The following USH2A variants were observed in gnomAD, a reference collection of about 807,000 sequenced individuals.
USH2A encodes Usher syndrome 2A (autosomal recessive, mild).
A neutral mutation model predicts 538.9 loss-of-function variants in USH2A; 443 were observed. That is an observed-to-expected ratio of 0.82 (90% CI 0.76 to 0.89). The LOEUF (loss-of-function observed/expected upper bound fraction) is 0.89, where lower values mean the gene tolerates loss of function less well. USH2A is among the 40% of genes least tolerant of loss of function. The pLI is 0.00. For missense variants in USH2A, 6,633 were observed against 6,324.8 expected (o/e 1.05, Z -1.65); for synonymous variants, 2,413 against 2,273.5 (o/e 1.06, Z -1.75).
At chr1:215,922,267 G>T (rs897270526) in intron 38 of USH2A, among the ~76,000 whole-genome samples, 1 of 152,142 alleles carries the variant, frequency 6.6e-6, no homozygotes. Context: ...CAGTAGGGCT[G>T]ATTAGTGTTC....
At chr1:216,164,332 A>T (rs1424556569) in intron 21 of USH2A, among the ~76,000 whole-genome samples, 1 of 152,144 alleles carries the variant, frequency 6.6e-6, no homozygotes, top group Non-Finnish European at 1.5e-5. Flanking sequence ...AAAAAATGGC[A>T]CCAATATTAT....
Position 215,829,530 on chromosome 1 carries a change from G to A in USH2A, c.9371+8461C>T, listed in dbSNP as rs74141438. 5.4e-3 allele frequency among the ~76,000 whole-genome samples: 817 copies of A among 152,230 alleles called. 4 individuals are homozygous for A. The highest frequency in any genetic ancestry group is 0.018 in the African/African-American group (760 of 41,546). ...TTTAAATGCTAGAGAAGTAGACCCC[G>A]TCTGCTGATGTTTTTCTGGAAGGAT... On this transcript the variant is annotated intron_variant, in intron 47 of 71. Coordinates refer to ENST00000307340, the MANE Select transcript of USH2A (RefSeq NM_206933.4).
intron 11 of USH2A, among the ~76,000 whole-genome samples, chr1:216,258,703 A>G (rs1415038430): frequency 6.6e-6 from 1 of 152,122 alleles, no homozygotes; most frequent in Non-Finnish European, 1.5e-5. Flanking sequence ...CTCAGCAAAC[A>G]TTGTCCTCAT....
chr1:216,124,502 C>A (rs2033206698), intron 21 of USH2A, among the ~76,000 whole-genome samples: 1 of 151,976 alleles, frequency 6.6e-6, no homozygotes, highest in African/African-American at 2.4e-5. Context: ...GGAGGGAAAC[C>A]CCTCCAGATA....
chr1:216,085,908 A>G (rs1165408293), intron 24 of USH2A, among the ~76,000 whole-genome samples: 1 of 152,114 alleles, frequency 6.6e-6, no homozygotes, highest in Non-Finnish European at 1.5e-5. Context: ...GATCTTCATC[A>G]TGATTCCCTG....
At chr1:215,738,434 T>C (rs1174944966) in intron 60 of USH2A, among the ~76,000 whole-genome samples, 1 of 152,124 alleles carries the variant, frequency 6.6e-6, no homozygotes, top group Non-Finnish European at 1.5e-5. Context: ...GGAATCATAT[T>C]AATAGTTTGT....
chr1:216,173,048 A>G (rs80122044), intron 21 of USH2A, among the ~76,000 whole-genome samples: 1 of 152,182 alleles, frequency 6.6e-6, no homozygotes, highest in African/African-American at 2.4e-5. Context: ...ACGAGGGTAA[A>G]AAGAGCTACT....
rs1192238849 is a variant in USH2A at position 216,089,145 on chromosome 1, G to A, written c.4759-6C>T. 2 of 1,611,450 alleles carry A rather than the reference G, an allele frequency of 1.2e-6. No individual in the cohort carries two copies. Among genetic ancestry groups the A allele is most frequent in the Non-Finnish European group, 1.7e-6 (2 of 1,178,174 alleles). On this transcript the variant is annotated splice_polypyrimidine_tract_variant and splice_region_variant and intron_variant, in intron 22 of 71. Transcript: ENST00000307340. ...GTTACTTCCACTGGTGACCCCTTAA[G>A]GGAATGAATGAATAAATAAATGTTT... is the stretch of plus-strand genomic sequence containing the variant.
intron 3 of USH2A, among the ~76,000 whole-genome samples, chr1:216,371,550 C>G (rs2102718549): frequency 6.6e-6 from 1 of 152,244 alleles, no homozygotes; most frequent in South Asian, 2.1e-4. Context: ...TAATTCACAT[C>G]TACTCAATGC....
At chr1:215,826,167 A>C (rs1362582103) in intron 47 of USH2A, among the ~76,000 whole-genome samples, 1 of 152,208 alleles carries the variant, frequency 6.6e-6, no homozygotes, top group Admixed American at 6.5e-5. Flanking sequence ...GATGCCTTGC[A>C]AGATGGCTAG....
chr1:216,219,776 C>T (rs757730520), intron 14 of USH2A, among the ~76,000 whole-genome samples: 16 of 152,064 alleles, frequency 1.1e-4, no homozygotes, highest in Admixed American at 5.2e-4. Context: ...GAAAACCTCG[C>T]TTGCTAAATG....
At chr1:215,645,141 A>G (rs1656805515) in intron 67 of USH2A, among the ~76,000 whole-genome samples, 1 of 152,124 alleles carries the variant, frequency 6.6e-6, no homozygotes, top group Admixed American at 6.5e-5. Context: ...ATTACAAGAC[A>G]AGGAGTTCTG....
chr1:216,184,377 G>T (rs1428525673), intron 20 of USH2A, among the ~76,000 whole-genome samples: 1 of 151,880 alleles, frequency 6.6e-6, no homozygotes. Context: ...CATCAAGTCA[G>T]TAGTTTAACA....
intron 61 of USH2A, among the ~76,000 whole-genome samples, chr1:215,682,792 G>A (rs1049314237): frequency 6.6e-6 from 1 of 151,528 alleles, no homozygotes; most frequent in Non-Finnish European, 1.5e-5. Context: ...ATGTTGGGAT[G>A]TAAAAGTAAT....
chr1:216,194,963 G>T (rs1252135096), intron 19 of USH2A, among the ~76,000 whole-genome samples: 1 of 152,066 alleles, frequency 6.6e-6, no homozygotes, highest in East Asian at 1.9e-4. Context: ...AAAAAATGTT[G>T]CAAGGCACAC....
At chr1:216,002,090 G>A (rs375180477) in intron 32 of USH2A, among the ~76,000 whole-genome samples, 1 of 152,056 alleles carries the variant, frequency 6.6e-6, no homozygotes, top group East Asian at 1.9e-4. Context: ...AGCAACAGTC[G>A]CACTATAGGT....
At chr1:216,257,677 C>A (rs1379078214) in intron 11 of USH2A, among the ~76,000 whole-genome samples, 3 of 151,978 alleles carry the variant, frequency 2.0e-5, no homozygotes, top group Non-Finnish European at 2.9e-5. Flanking sequence ...ACTCCAATTA[C>A]ACATATACCA....
chr1:216,138,632 AC>A (rs1417930483), intron 21 of USH2A, among the ~76,000 whole-genome samples: 7 of 152,020 alleles, frequency 4.6e-5, no homozygotes, highest in African/African-American at 1.7e-4. Flanking sequence ...CAACCTGATC[AC>A]TTGATGGACT....
intron 25 of USH2A, among the ~76,000 whole-genome samples, 184 bp downstream of exon 25, chr1:216,084,514 T>A (rs1359015968): frequency 1.3e-5 from 2 of 152,032 alleles, no homozygotes; most frequent in African/African-American, 4.8e-5. Context: ...TACTTATGAG[T>A]CTTATAATTT....
Sources: gnomAD v4.1 joint callset for allele counts (sites outside exome capture counted in the v4.1 genomes callset) on GRCh38, gnomAD v4.1.1 for gene constraint, MANE v1.5 for transcripts, NCBI Gene and HGNC (gene_info 2026-07-23, HGNC 2026-07-21) for gene names.